Variants in NSMCE2 observed in about 807,000 individuals in gnomAD.
The protein encoded by NSMCE2 is NSE2 SUMO ligase component of SMC5/6 complex, also known as E3 SUMO-protein ligase NSE2.
NSMCE2 carries 24 observed loss-of-function variants against 23.8 expected under a neutral mutation model. The ratio of observed to expected loss-of-function variants is 1.01; its 90% CI spans 0.73 to 1.42. The LOEUF is 1.42. NSMCE2 is among the 40% of genes most tolerant of loss of function. NSMCE2 has a pLI of 0.00. For synonymous variants in NSMCE2, 92 were observed against 94.1 expected (o/e 0.98, Z 0.13); for missense variants, 284 against 296.5 (o/e 0.96, Z 0.31).
intron 4 of NSMCE2, among the ~76,000 whole-genome samples, chr8:125,152,863 G>C (rs958441198): frequency 3.9e-5 from 6 of 151,960 alleles, no homozygotes; most frequent in Non-Finnish European, 7.4e-5. Context: ...TTTGAGACCA[G>C]CCTGGCCAAC....
intron 3 of NSMCE2, among the ~76,000 whole-genome samples, chr8:125,148,534 C>A (rs993392104): frequency 1.3e-5 from 2 of 152,174 alleles, no homozygotes; most frequent in African/African-American, 4.8e-5. Flanking sequence ...ATTTCTTATG[C>A]TTCAGACTTT....
At chr8:125,316,345 T>C (rs2131251025) in intron 5 of NSMCE2, among the ~76,000 whole-genome samples, 2 of 152,364 alleles carry the variant, frequency 1.3e-5, no homozygotes, top group South Asian at 2.1e-4. Flanking sequence ...GCTAACTGCC[T>C]TCTTGGGAAA....
intron 3 of NSMCE2, among the ~76,000 whole-genome samples, chr8:125,104,816 C>T (rs1818378675): frequency 6.6e-6 from 1 of 152,166 alleles, no homozygotes; most frequent in Non-Finnish European, 1.5e-5. Context: ...GCAGGAGGAT[C>T]TCCTGAGGTC....
chr8:125,177,961 C>T (rs990479406), intron 4 of NSMCE2, among the ~76,000 whole-genome samples: 3 of 152,136 alleles, frequency 2.0e-5, no homozygotes, highest in African/African-American at 7.2e-5. Flanking sequence ...GACTAGCTGT[C>T]CACATTAAAT....
At chr8:125,289,830 C>T (rs943223210) in intron 5 of NSMCE2, among the ~76,000 whole-genome samples, 1 of 152,194 alleles carries the variant, frequency 6.6e-6, no homozygotes, top group Admixed American at 6.5e-5. Context: ...TTGTTAATCA[C>T]ACTAGCTGAT....
intron 4 of NSMCE2, among the ~76,000 whole-genome samples, chr8:125,178,979 A>G (rs1035610263): frequency 6.6e-6 from 1 of 152,126 alleles, no homozygotes; most frequent in Admixed American, 6.5e-5. Flanking sequence ...GTGTAGAGGG[A>G]AGACCATTTG....
At chr8:125,143,183 A>C (rs1820475995) in intron 3 of NSMCE2, among the ~76,000 whole-genome samples, 1 of 152,086 alleles carries the variant, frequency 6.6e-6, no homozygotes, top group Non-Finnish European at 1.5e-5. Context: ...GTTTCAGAGA[A>C]GAAGGGTTTT....
At chr8:125,124,742 T>C (rs1410757579) in intron 3 of NSMCE2, among the ~76,000 whole-genome samples, 1 of 152,144 alleles carries the variant, frequency 6.6e-6, no homozygotes, top group African/African-American at 2.4e-5. Flanking sequence ...CCTCCCAAAG[T>C]ACTAGGATTA....
intron 5 of NSMCE2, among the ~76,000 whole-genome samples, chr8:125,317,340 G>A (rs1176511880): frequency 6.6e-6 from 1 of 151,454 alleles, no homozygotes; most frequent in Non-Finnish European, 1.5e-5. Flanking sequence ...GGGACTACAG[G>A]CACATGCCAC....
At chr8:125,152,536 G>T (rs1821089640) in intron 4 of NSMCE2, among the ~76,000 whole-genome samples, 1 of 152,222 alleles carries the variant, frequency 6.6e-6, no homozygotes, top group African/African-American at 2.4e-5. Context: ...TACTGCCAAA[G>T]ATTAGAGTTA....
At chr8:125,361,973 C>T (rs918208682) in intron 7 of NSMCE2, among the ~76,000 whole-genome samples, 1 of 152,180 alleles carries the variant, frequency 6.6e-6, no homozygotes, top group African/African-American at 2.4e-5. Flanking sequence ...TTTGCAGAGG[C>T]CAAGGTTCCC....
intron 4 of NSMCE2, among the ~76,000 whole-genome samples, chr8:125,170,085 A>G (rs936340162): frequency 8.2e-5 from 12 of 146,760 alleles, no homozygotes; most frequent in Admixed American, 8.1e-4. Context: ...ATCATTTTTC[A>G]TAGCATTTGT....
intron 5 of NSMCE2, among the ~76,000 whole-genome samples, chr8:125,298,659 A>G (rs1240657003): frequency 1.3e-5 from 2 of 151,002 alleles, no homozygotes; most frequent in African/African-American, 2.4e-5. Context: ...GGTTCTTAAC[A>G]GGGATTGCAT....
At chr8:125,173,699 ATGAAGACTGACAAG>A (rs1350823662) in intron 4 of NSMCE2, among the ~76,000 whole-genome samples, 2 of 152,200 alleles carry the variant, frequency 1.3e-5, no homozygotes. Flanking sequence ...GTCTTTTCAT[ATGAAGACTGACAAG>A]TGACCACTGA....
intron 5 of NSMCE2, among the ~76,000 whole-genome samples, chr8:125,304,077 C>T (rs1199361257): frequency 6.6e-6 from 1 of 152,170 alleles, no homozygotes; most frequent in Non-Finnish European, 1.5e-5. Flanking sequence ...ATTCACTGTA[C>T]TGACATATAT....
chr8:125,130,069 T>C (rs1375175347), intron 3 of NSMCE2: 1 of 320,124 alleles, frequency 3.1e-6, no homozygotes, highest in Non-Finnish European at 6.3e-6. Flanking sequence ...TTAATCATCA[T>C]CTTCGTAGAC....
chr8:125,315,675 A>G lies in NSMCE2; in HGVS notation c.419-41544A>G, dbSNP rs1005563941. Among the ~76,000 whole-genome samples, 7 of 152,318 alleles carry G rather than the reference A, an allele frequency of 4.6e-5. No individual in the cohort carries two copies. The South Asian group carries it at 8.3e-4, about 18-fold the overall frequency. ...GGAAATGTAAGAGTTTGCCATTTTA[A>G]GTCCTTCAGTAATTTATTCACTGTA... On this transcript the variant is annotated intron_variant, in intron 5 of 7. Transcript: ENST00000287437.
chr8:125,366,014 G>C (rs1175676576), intron 7 of NSMCE2, among the ~76,000 whole-genome samples: 5 of 152,126 alleles, frequency 3.3e-5, no homozygotes, highest in Admixed American at 6.6e-5. Flanking sequence ...CACTGCACTT[G>C]CTACTGCCTC....
intron 5 of NSMCE2, among the ~76,000 whole-genome samples, chr8:125,324,152 T>TA (rs888484835): frequency 3.3e-5 from 5 of 152,338 alleles, no homozygotes; most frequent in African/African-American, 1.2e-4. Flanking sequence ...TTAGGATAGT[T>TA]AAAGTTTTTA....
Sources: allele counts gnomAD v4.1 joint callset (sites outside exome capture counted in the v4.1 genomes callset), GRCh38; gene constraint gnomAD v4.1.1; transcripts MANE v1.5; gene names NCBI Gene and HGNC (gene_info 2026-07-23, HGNC 2026-07-21).